Variants in RYR1 observed in about 807,000 individuals in gnomAD.
RYR1 encodes ryanodine receptor 1.
A neutral mutation model predicts 583.5 loss-of-function variants in RYR1; 342 were observed. The observed-to-expected ratio is 0.59, with a 90% CI of 0.54 to 0.64. RYR1 has a LOEUF of 0.64. Among genes scored for constraint, RYR1 ranks in the 30% least tolerant of loss-of-function variants. RYR1 has a pLI of 0.00. For synonymous variants in RYR1, 2,791 were observed against 2,822.5 expected (o/e 0.99, Z 0.35); for missense variants, 6,032 against 6,917.2 (o/e 0.87, Z 4.54).
At position 38,444,186 on chromosome 19, in the gene RYR1, G is replaced by A. The variant is rs771222797; in HGVS notation, c.462G>A (p.Lys154=). ...GGTGGACCATGCACCCAGCCTCCAAGCAGAGGTCTGAAGGAGAAAAGGTCC... is the reference window on the plus strand; with the variant it reads ...GGTGGACCATGCACCCAGCCTCCAAACAGAGGTCTGAAGGAGAAAAGGTCC... ...ACWWTMHPAS[K]QRSEGEKVRV... is the part of the protein sequence containing the mutation. The change falls in exon 6 of 106, where the codon AAG becomes AAA. Residue 154 remains lysine (K), a synonymous_variant. Transcript: ENST00000359596. The surrounding 1 kb of genome is among the most constrained non-coding windows in gnomAD (Gnocchi z 5.1). 2.5e-6 allele frequency: 4 copies of A among 1,614,056 alleles called. No homozygotes were observed. Among genetic ancestry groups the A allele is most frequent in the Admixed American group, 3.3e-5 (2 of 60,012 alleles).
intron 99 of RYR1, among the ~76,000 whole-genome samples, chr19:38,578,833 C>T (rs751479745): frequency 2.6e-5 from 4 of 151,462 alleles, no homozygotes; most frequent in Non-Finnish European, 5.9e-5. Flanking sequence ...GCCAGGCAGA[C>T]AGGCACAGTG....
At position 38,502,925 on chromosome 19, in the gene RYR1, G is replaced by A. The variant is rs201877620; in HGVS notation, c.7881G>A (p.Val2627=). Residue 2627 remains valine (V), a synonymous_variant, in exon 49 of 106, where the codon GTG becomes GTA. Coordinates refer to ENST00000359596, the MANE Select transcript of RYR1 (RefSeq NM_000540.3). ...SMLQHLLRRL[V]FDVPILNEFA... is the part of the protein sequence containing the mutation. ...TGCAGCACCTGTTGCGCCGCCTGGTGTTCGACGTGCCCATCCTCAACGAGT... is the reference window on the plus strand; with the variant it reads ...TGCAGCACCTGTTGCGCCGCCTGGTATTCGACGTGCCCATCCTCAACGAGT... 1.1e-4 allele frequency: 176 copies of A among 1,611,738 alleles called. 1 individual carries two copies. The East Asian group carries it at 2.8e-3, about 26-fold the overall frequency.
chr19:38,517,309 G>A (rs773536761), intron 65 of RYR1, 50 bp from the exon 66 acceptor site: 16 of 1,589,398 alleles, frequency 1.0e-5, no homozygotes, highest in Non-Finnish European at 1.0e-5. Context: ...AGGGCACTGA[G>A]GTCTGGGGGT....
In RYR1 at chr19:38,519,441, G is replaced by A. The variant is rs760809784; in HGVS notation, c.10246G>A (p.Val3416Met). Reference protein sequence around the residue: ...YALYPLLIRYVDNNRAQWLTE... With the variant: ...YALYPLLIRYMDNNRAQWLTE... ...CCTGTATCCGCTGCTCATCCGCTAC[G>A]TGGACAACAACAGGTCAGCGGGGCC... Residue 3416 changes from valine to methionine, a missense_variant, in exon 67 of 106, where the codon GTG (valine) becomes ATG (methionine). Coordinates refer to ENST00000359596, the MANE Select transcript of RYR1 (RefSeq NM_000540.3). 9 of 1,597,622 alleles carry A rather than the reference G, an allele frequency of 5.6e-6. No homozygotes were observed. The highest frequency in any genetic ancestry group is 7.7e-6 in the Non-Finnish European group (9 of 1,173,262).
At chr19:38,525,831 C>T (rs920563256) in intron 71 of RYR1, among the ~76,000 whole-genome samples, 1 of 151,430 alleles carries the variant, frequency 6.6e-6, no homozygotes, top group East Asian at 1.9e-4. Flanking sequence ...CCTGCTGAGA[C>T]CCTGAGAGTC....
rs200124278 is a variant in RYR1, at chr19:38,466,153, C to T, written c.2933C>T (p.Pro978Leu). The T allele has an allele frequency of 1.4e-4, 219 of 1,613,238 alleles. No homozygotes were observed. The highest frequency in any genetic ancestry group is 3.7e-5 in the Non-Finnish European group (44 of 1,179,884). ...PLDLSHVRLT[P>L]AQTTLVDRLA... is the part of the protein sequence containing the mutation. ...GACCTGAGCCACGTGCGGCTGACGCCGGCGCAGACGACACTGGTGGACCGT... is the reference window on the plus strand; with the variant it reads ...GACCTGAGCCACGTGCGGCTGACGCTGGCGCAGACGACACTGGTGGACCGT... The change falls in exon 24 of 106, where the codon CCG (proline) becomes CTG (leucine). Residue 978 changes from proline (P) to leucine (L), a missense_variant. This residue lies in a region of RYR1 where 2,627 missense variants were observed against 2,961.3 expected (regional missense o/e 0.89). Coordinates refer to ENST00000359596, the MANE Select transcript of RYR1 (RefSeq NM_000540.3).
At position 38,516,204 on chromosome 19, in the gene RYR1, G is replaced by C. The variant is rs199644190; in HGVS notation, c.9672G>C (p.Pro3224=). The change falls in exon 65 of 106, where the codon CCG becomes CCC. Residue 3224 remains proline (P), a synonymous_variant. Coordinates refer to ENST00000359596, the MANE Select transcript of RYR1 (RefSeq NM_000540.3). The part of the protein sequence containing the change: ...NACSVYTTKS[P]RERAILGLPN... Reference sequence around the variant, plus strand: ...GCTCCGTGTACACCACCAAGTCTCCGCGGGAGCGGGCCAGTAAGCTGTGTG... The same window carrying C: ...GCTCCGTGTACACCACCAAGTCTCCCCGGGAGCGGGCCAGTAAGCTGTGTG... 6.3e-7 allele frequency: 1 copy of C among 1,584,046 alleles called. No homozygotes were observed. The highest frequency in any genetic ancestry group is 1.8e-5 in the Admixed American group (1 of 55,720).
chr19:38,480,833 C>T (rs1968971840), intron 31 of RYR1, among the ~76,000 whole-genome samples: 1 of 151,884 alleles, frequency 6.6e-6, no homozygotes, highest in African/African-American at 2.4e-5. Context: ...CAACCTTCGC[C>T]TCCCGGGCTC....
chr19:38,469,542 C>T (rs1968307465), intron 27 of RYR1, 29 bp downstream of exon 27: 3 of 1,595,002 alleles, frequency 1.9e-6, no homozygotes, highest in Non-Finnish European at 2.6e-6. Flanking sequence ...AATGCCTTCT[C>T]ATCTGCCTCC....
At chr19:38,466,501 CTTTT>C (rs869097541) in intron 24 of RYR1, 103 bp downstream of exon 24, 2,170 of 632,650 alleles carry the variant, frequency 3.4e-3, no homozygotes, top group Non-Finnish European at 4.1e-3. Flanking sequence ...TGGGCTATAT[CTTTT>C]TTTTTTTTTT....
rs1186945915 is a variant in RYR1, at chr19:38,565,352, G to A, written c.13018G>A (p.Val4340Met). The A allele has an allele frequency of 2.3e-6, 3 of 1,300,560 alleles. No homozygotes were observed. The highest frequency in any genetic ancestry group is 4.3e-5 in the Admixed American group (1 of 23,168). The allele number at this position is 1,300,560 out of a possible 1,614,324, so 80.6% of individuals were successfully genotyped here. The change falls in exon 91 of 106, where the codon GTG (valine) becomes ATG (methionine). Residue 4340 changes from valine (V) to methionine (M), a missense_variant. Physicochemically the swap from Val to Met is conservative, Grantham distance 21. Around this residue, in one of 11 missense-constraint regions of RYR1, gnomAD observed 753 missense variants for 759.6 expected, o/e 0.99. Transcript: ENST00000359596. The surrounding 1 kb of genome is among the most constrained non-coding windows in gnomAD (Gnocchi z 4.7). ...AGTGGCGGCGCTGCTCTGGGCAGCA[G>A]TGACGCGCGCTGGGGCCGCTGGCGC... ...TAVAALLWAA[V>M]TRAGAAGAGA... is the part of the protein sequence containing the mutation.
rs142558977 is a variant in RYR1, at chr19:38,502,967, C to G, written c.7923C>G (p.Leu2641=). 1,431 of 1,608,840 alleles carry G rather than the reference C, an allele frequency of 8.9e-4. 3 individuals are homozygous for G. Among genetic ancestry groups the G allele is most frequent in the Non-Finnish European group, 9.8e-4 (1,152 of 1,179,952 alleles). ...PILNEFAKMP[L]KLLTNHYERC... ...TCAACGAGTTCGCCAAGATGCCACT[C>G]AAGGTGAGGGCAAGCGCTCTTTAGC... The change falls in exon 49 of 106, where the codon CTC becomes CTG. Residue 2641 remains leucine (L), a synonymous_variant. Transcript: ENST00000359596.
At position 38,500,124 on chromosome 19, in the gene RYR1, T is replaced by C. The variant is rs1295722204; in HGVS notation, c.7323+108T>C. On this transcript the variant is annotated intron_variant, in intron 45 of 105. Transcript: ENST00000359596. The surrounding 1 kb of genome is among the most constrained non-coding windows in gnomAD (Gnocchi z 5.9). ...GGAGTGAGCTCCCATATGTGGGTGG[T>C]CCTGGACTAGCAATGTTGGGGACAC... is the stretch of plus-strand genomic sequence containing the variant. 9 of 978,118 alleles carry C rather than the reference T, an allele frequency of 9.2e-6. No homozygotes were observed. Among genetic ancestry groups the C allele is most frequent in the Non-Finnish European group, 1.4e-5 (9 of 631,780 alleles). 60.6% of individuals were successfully genotyped at this position (978,118 alleles called of 1,614,324 possible).
chr19:38,476,704 G>A (rs537098141), intron 29 of RYR1, among the ~76,000 whole-genome samples: 73 of 152,172 alleles, frequency 4.8e-4, no homozygotes, highest in Non-Finnish European at 7.6e-4. Context: ...TGGGGTTGGG[G>A]ATCCCTGGCC....
rs970255122 is a variant in RYR1, at chr19:38,496,444, C to T, written c.6699C>T (p.Cys2233=). 3 of 1,613,858 alleles carry T rather than the reference C, an allele frequency of 1.9e-6. No individual in the cohort carries two copies. Among genetic ancestry groups the T allele is most frequent in the Admixed American group, 3.3e-5 (2 of 60,032 alleles). ...TCCCCAAGATGGTGACAAGCTGCTG[C>T]CGCTTCCTCTGCTATTTCTGCCGAA... ...IRFPKMVTSC[C]RFLCYFCRIS... Residue 2233 remains cysteine, a synonymous_variant, in exon 41 of 106, where the codon TGC becomes TGT. Coordinates refer to ENST00000359596, the MANE Select transcript of RYR1 (RefSeq NM_000540.3). The surrounding 1 kb of genome is among the most constrained non-coding windows in gnomAD (Gnocchi z 4.8).
At chr19:38,456,831 G>A (rs1967422992) in intron 16 of RYR1, among the ~76,000 whole-genome samples, 1 of 151,156 alleles carries the variant, frequency 6.6e-6, no homozygotes. Context: ...CGGATCACGA[G>A]GTCAGGAGAT....
rs951752775 is a variant in RYR1, at chr19:38,517,256, G to C, written c.9686-103G>C. 5.1e-6 allele frequency: 6 copies of C among 1,169,746 alleles called. No individual in the cohort carries two copies. In the South Asian group the frequency reaches 5.2e-5, roughly 10 times the overall value. The allele number at this position is 1,169,746 out of a possible 1,614,324, so 72.5% of individuals were successfully genotyped here. A position where few individuals can be genotyped will look rare whatever the true frequency, so the allele number is the denominator to read the frequency against. ...ATAGGGTTTGGGAGACTGTTTAAGG[G>C]GGGTGGCAATTCAATGGTGTCTGAT... On this transcript the variant is annotated intron_variant, in intron 65 of 105. Transcript: ENST00000359596.
chr19:38,446,910 T>A (rs73930577), intron 9 of RYR1, 142 bp downstream of exon 9: 5 of 673,770 alleles, frequency 7.4e-6, no homozygotes, highest in Non-Finnish European at 5.0e-6. Context: ...GAGAGAGAGA[T>A]GAAAATCTCG....
chr19:38,464,786 G>A (rs373272125), intron 23 of RYR1, 64 bp downstream of exon 23: 2 of 1,458,150 alleles, frequency 1.4e-6, no homozygotes, highest in Admixed American at 2.0e-5. Flanking sequence ...TGTGCTAAGG[G>A]CTGGGGAGGT....
Sources: allele counts gnomAD v4.1 joint callset (sites outside exome capture counted in the v4.1 genomes callset), GRCh38; gene constraint gnomAD v4.1.1; regional missense constraint gnomAD v4.1.1; non-coding constraint Gnocchi (gnomAD v3.1); transcripts MANE v1.5; gene names NCBI Gene and HGNC (gene_info 2026-07-23, HGNC 2026-07-21).